The following EFCAB6 variants were observed in gnomAD, a reference collection of about 807,000 sequenced individuals.
The protein encoded by EFCAB6 is EF-hand calcium binding domain 6.
EFCAB6 carries 156 observed loss-of-function variants against 169.8 expected under a neutral mutation model. The ratio of observed to expected loss-of-function variants is 0.92; its 90% CI spans 0.81 to 1.05. EFCAB6 has a LOEUF of 1.05. Among genes scored for constraint, EFCAB6 ranks in the 50% least tolerant of loss-of-function variants. The probability of loss-of-function intolerance (pLI) is 0.00; values close to 1 mark genes in which losing one functional copy is unlikely to be tolerated. For missense variants in EFCAB6, 1,800 were observed against 1,829.1 expected (o/e 0.98, Z 0.29); for synonymous variants, 698 against 676.4 (o/e 1.03, Z -0.50).
chr22:43,631,525 A>G (rs990272435), intron 19 of EFCAB6, among the ~76,000 whole-genome samples: 7 of 151,940 alleles, frequency 4.6e-5, no homozygotes, highest in African/African-American at 1.7e-4. Flanking sequence ...CTTAGGCCTT[A>G]CGATTCAGTG....
At chr22:43,713,962 A>G (rs897612338) in intron 9 of EFCAB6, among the ~76,000 whole-genome samples, 1 of 152,236 alleles carries the variant, frequency 6.6e-6, no homozygotes, top group African/African-American at 2.4e-5. Flanking sequence ...AGAATATAAA[A>G]GAATATGAAC....
chr22:43,735,109 C>A (rs1414899385), intron 7 of EFCAB6, among the ~76,000 whole-genome samples: 1 of 152,168 alleles, frequency 6.6e-6, no homozygotes, highest in African/African-American at 2.4e-5. Context: ...ACGGGCCCAT[C>A]TTCCAGTGGC....
intron 23 of EFCAB6, among the ~76,000 whole-genome samples, chr22:43,590,887 G>A (rs963987317): frequency 6.6e-6 from 1 of 152,202 alleles, no homozygotes; most frequent in Non-Finnish European, 1.5e-5. Context: ...CCCTAAGGAG[G>A]AGAAGAAGGG....
At position 43,688,659 on chromosome 22, in the gene EFCAB6, TTG is replaced by T. The variant is rs142844941; in HGVS notation, c.1032-1080_1032-1079del. 6.3e-3 allele frequency among the ~76,000 whole-genome samples: 958 copies of T among 152,274 alleles called. 13 individuals are homozygous for T. The highest frequency in any genetic ancestry group is 0.022 in the African/African-American group (911 of 41,556). On this transcript the variant is annotated intron_variant, in intron 10 of 31. Transcript: ENST00000262726. The stretch of plus-strand genomic sequence containing the variant: ...AGAATAATACCACCTCCTAGGAGGG[TTG>T]TGATAAGGATTAGAGCTAATAGGTC...
intron 20 of EFCAB6, among the ~76,000 whole-genome samples, chr22:43,619,030 C>T (rs1197166470): frequency 2.0e-5 from 3 of 152,018 alleles, no homozygotes; most frequent in Non-Finnish European, 4.4e-5. Flanking sequence ...GAAAAGTAGC[C>T]CTTGGGGGCT....
chr22:43,709,101 G>C (rs1174509767), intron 10 of EFCAB6, among the ~76,000 whole-genome samples: 1 of 151,940 alleles, frequency 6.6e-6, no homozygotes, highest in East Asian at 1.9e-4. Context: ...TCATTTTTTG[G>C]GACAGAGTCG....
intron 8 of EFCAB6, 57 bp downstream of exon 8, chr22:43,731,642 G>A: frequency 1.9e-6 from 2 of 1,049,714 alleles, no homozygotes; most frequent in Non-Finnish European, 2.7e-6. Flanking sequence ...CAAAGAACAG[G>A]AATTACCATG....
At chr22:43,627,951 C>T (rs1224545393) in intron 19 of EFCAB6, among the ~76,000 whole-genome samples, 5 of 152,108 alleles carry the variant, frequency 3.3e-5, no homozygotes, top group African/African-American at 9.7e-5. Context: ...TAAAAGATGC[C>T]GCCCCTGCCT....
chr22:43,594,873 TATGTGG>T, intron 23 of EFCAB6, among the ~76,000 whole-genome samples: 1 of 152,298 alleles, frequency 6.6e-6, no homozygotes, highest in South Asian at 2.1e-4. Flanking sequence ...GGATACATCA[TATGTGG>T]CCACAAAACA....
chr22:43,623,739 C>CA (rs137720), intron 20 of EFCAB6, among the ~76,000 whole-genome samples: 13,986 of 95,162 alleles, frequency 0.15, 925 homozygotes, highest in South Asian at 0.21. Context: ...ACTAAAAATA[C>CA]AAAAAAAAAA....
chr22:43,676,669 C>T (rs368938469), intron 13 of EFCAB6, among the ~76,000 whole-genome samples: 1 of 152,090 alleles, frequency 6.6e-6, no homozygotes, highest in African/African-American at 2.4e-5. Flanking sequence ...ATTAAAATTA[C>T]CTCCAGAATG....
intron 2 of EFCAB6, chr22:43,797,111 G>C (rs1246979250): frequency 6.5e-6 from 1 of 153,032 alleles, no homozygotes; most frequent in African/African-American, 2.4e-5. Flanking sequence ...CCAGATAGAA[G>C]TGGCAATGGT....
At chr22:43,720,358 A>T (rs2059478286) in intron 8 of EFCAB6, among the ~76,000 whole-genome samples, 1 of 150,864 alleles carries the variant, frequency 6.6e-6, no homozygotes, top group East Asian at 2.0e-4. Flanking sequence ...ATTAAAAAAA[A>T]AAAAATAGCC....
chr22:43,725,388 G>A (rs559846289), intron 8 of EFCAB6, among the ~76,000 whole-genome samples: 2 of 152,176 alleles, frequency 1.3e-5, no homozygotes, highest in African/African-American at 2.4e-5. Context: ...TGATCCACCC[G>A]CCTCGGCCTC....
At chr22:43,779,761 A>G (rs1222570278) in intron 3 of EFCAB6, among the ~76,000 whole-genome samples, 1 of 152,176 alleles carries the variant, frequency 6.6e-6, no homozygotes, top group African/African-American at 2.4e-5. Flanking sequence ...AAGAAAAAAA[A>G]GTTAAAAAAA....
At chr22:43,738,237 A>ATC (rs2060235649) in intron 6 of EFCAB6, among the ~76,000 whole-genome samples, 1 of 142,760 alleles carries the variant, frequency 7.0e-6, no homozygotes, top group South Asian at 2.3e-4. Context: ...CATTCACACC[A>ATC]TCACACACAC....
chr22:43,743,457 C>A (rs1455132086), intron 6 of EFCAB6, among the ~76,000 whole-genome samples: 2 of 152,208 alleles, frequency 1.3e-5, no homozygotes, highest in Non-Finnish European at 2.9e-5. Flanking sequence ...ACCTGTTATT[C>A]AGGTAACCTG....
chr22:43,629,724 C>T (rs1368799400), intron 19 of EFCAB6, among the ~76,000 whole-genome samples: 1 of 152,044 alleles, frequency 6.6e-6, no homozygotes, highest in Admixed American at 6.6e-5. Flanking sequence ...GAGGAGTCCA[C>T]TGGTCAAAGG....
rs185173041 is a variant in EFCAB6, at chr22:43,530,673, G to T, written c.4383+142C>A. ...TGGACCCAGGACTGGATAACTTGGG[G>T]GTCCCAGGGAAGTGAGATCTGAAGC... On this transcript the variant is annotated intron_variant, in intron 31 of 31. Transcript: ENST00000262726. 4.2e-4 allele frequency: 623 copies of T among 1,490,138 alleles called. 1 individual carries two copies. Among genetic ancestry groups the T allele is most frequent in the Admixed American group, 2.2e-3 (93 of 42,460 alleles). 92.3% of individuals were successfully genotyped at this position (1,490,138 alleles called of 1,614,324 possible).
Sources: gnomAD v4.1 joint callset for allele counts (sites outside exome capture counted in the v4.1 genomes callset) on GRCh38, gnomAD v4.1.1 for gene constraint, MANE v1.5 for transcripts, NCBI Gene and HGNC (gene_info 2026-07-23, HGNC 2026-07-21) for gene names.